Variants in AVL9 observed in about 807,000 individuals in gnomAD.
AVL9 encodes late secretory pathway protein AVL9 homolog.
Under a neutral mutation model 79.2 loss-of-function variants are expected in AVL9, and 49 were observed. The observed-to-expected ratio is 0.62, with a 90% confidence interval of 0.49 to 0.79. The LOEUF is 0.79. Ranked by LOEUF, AVL9 falls within the 30% of genes least tolerant of loss-of-function variation. The pLI is 0.00. For synonymous variants in AVL9, 299 were observed against 280.6 expected (o/e 1.07, Z -0.65); for missense variants, 682 against 776.8 (o/e 0.88, Z 1.45).
intron 1 of AVL9, chr7:32,535,647 C>CGA (rs773587423): frequency 1.2e-4 from 19 of 152,166 alleles, no homozygotes; most frequent in Admixed American, 5.2e-4. Context: ...TTGGCAGACT[C>CGA]TATTTTGATC....
intron 1 of AVL9, among the ~76,000 whole-genome samples, chr7:32,525,845 G>A (rs528387371): frequency 6.6e-6 from 1 of 152,138 alleles, no homozygotes; most frequent in Admixed American, 6.5e-5. Context: ...GTTTTTTACT[G>A]CAAATGCCCT....
rs779233840 is a variant in AVL9 at position 32,570,010 on chromosome 7, T to TA, written c.1216-8dup. On this transcript the variant is annotated splice_polypyrimidine_tract_variant and intron_variant, in intron 10 of 15. Transcript: ENST00000318709. ...TTTCTGATATTTTCTATTACTCTTC[T>TA]AATTCATAGGGATATCTGTGTTTGC... 1 of 1,613,944 alleles carries TA rather than the reference T, an allele frequency of 6.2e-7. No homozygotes were observed. Among genetic ancestry groups the TA allele is most frequent in the Non-Finnish European group, 8.5e-7 (1 of 1,179,806 alleles).
chr7:32,577,758 T>C (rs1353477719), intron 13 of AVL9, among the ~76,000 whole-genome samples: 1 of 152,172 alleles, frequency 6.6e-6, no homozygotes. Context: ...GAAATAGTGC[T>C]TAGAAGAACA....
intron 1 of AVL9, among the ~76,000 whole-genome samples, chr7:32,540,174 G>C (rs1789111334): frequency 6.6e-6 from 1 of 152,146 alleles, no homozygotes; most frequent in Admixed American, 6.5e-5. Context: ...ATAAACCACT[G>C]ATGTAACCAC....
intron 1 of AVL9, among the ~76,000 whole-genome samples, chr7:32,513,779 G>C (rs1213454915): frequency 1.3e-5 from 2 of 152,228 alleles, no homozygotes; most frequent in Non-Finnish European, 2.9e-5. Flanking sequence ...AGTTCCCTCA[G>C]TATTTATTGA....
chr7:32,535,600 G>T (rs1294837408), intron 1 of AVL9: 1 of 152,170 alleles, frequency 6.6e-6, no homozygotes, highest in African/African-American at 2.4e-5. Flanking sequence ...CGTGACTGGT[G>T]AATTGTTCTT....
chr7:32,543,909 CTTTCTT>C (rs1233064599), intron 2 of AVL9, among the ~76,000 whole-genome samples: 2 of 148,534 alleles, frequency 1.3e-5, no homozygotes, highest in Non-Finnish European at 1.5e-5. Flanking sequence ...TTCTTTCTTT[CTTTCTT>C]TTTTTTTTTT....
intron 1 of AVL9, among the ~76,000 whole-genome samples, chr7:32,515,693 G>T (rs938653630): frequency 2.0e-5 from 3 of 152,176 alleles, no homozygotes; most frequent in Non-Finnish European, 4.4e-5. Flanking sequence ...AAGTTATGAT[G>T]CAGCTGGTCG....
chr7:32,555,689 A>G (rs757248637), intron 8 of AVL9, among the ~76,000 whole-genome samples: 20 of 152,210 alleles, frequency 1.3e-4, no homozygotes, highest in Non-Finnish European at 2.5e-4. Context: ...TTAGAGAAAA[A>G]GTTCACCAGC....
rs1791794456 is a variant in AVL9 at position 32,586,474 on chromosome 7, A to ACCC, written c.*2568_*2569insCCC. 3.0e-5 allele frequency: 3 copies of ACCC among 100,580 alleles called. No individual in the cohort carries two copies. The highest frequency in any genetic ancestry group is 2.9e-4 in the East Asian group (1 of 3,506). 6.2% of individuals were successfully genotyped at this position (100,580 alleles called of 1,614,324 possible). On this transcript the variant is annotated 3_prime_UTR_variant, in exon 16 of 16. Coordinates refer to ENST00000318709, the MANE Select transcript of AVL9 (RefSeq NM_015060.3). Reference sequence around the variant, plus strand: ...CCTGGTCCTGTGACCCCCCCCCCCCACACACACACATACTTCAGGCTTGGA... The same window carrying ACCC: ...CCTGGTCCTGTGACCCCCCCCCCCCACCCCACACACACATACTTCAGGCTTGGA...
intron 3 of AVL9, 112 bp downstream of exon 3, chr7:32,544,891 A>G (rs1446696282): frequency 4.1e-6 from 3 of 733,364 alleles, no homozygotes; most frequent in African/African-American, 3.5e-5. Flanking sequence ...AGATTTTTGT[A>G]TACAATTTGT....
At chr7:32,551,296 ATTAT>A in intron 4 of AVL9, 34 bp from the exon 5 acceptor site, 1 of 1,338,342 alleles carries the variant, frequency 7.5e-7, no homozygotes, top group Non-Finnish European at 1.1e-6. Flanking sequence ...TTATCAACTA[ATTAT>A]TAATCAATGG....
chr7:32,517,556 G>A lies in AVL9; in HGVS notation c.93+21754G>A, dbSNP rs191086060. The stretch of plus-strand genomic sequence containing the variant: ...CCTGACCTCGTGATCCACCCACCTC[G>A]GCCTCCCAAAGTGCTGGGATTACAG... On this transcript the variant is annotated intron_variant, in intron 1 of 15. Coordinates refer to ENST00000318709, the MANE Select transcript of AVL9 (RefSeq NM_015060.3). Among the ~76,000 whole-genome samples, 119 of 151,846 alleles carry A rather than the reference G, an allele frequency of 7.8e-4. 1 individual carries two copies. Among genetic ancestry groups the A allele is most frequent in the African/African-American group, 2.5e-3 (103 of 41,452 alleles).
At chr7:32,561,639 A>AAC (rs568338036) in intron 10 of AVL9, among the ~76,000 whole-genome samples, 1,966 of 150,720 alleles carry the variant, frequency 0.013, 19 homozygotes, top group Non-Finnish European at 0.018. Flanking sequence ...CACTGGTTTA[A>AAC]AAAACAAAAC....
chr7:32,501,046 T>C (rs1020229497), intron 1 of AVL9, among the ~76,000 whole-genome samples: 2 of 152,158 alleles, frequency 1.3e-5, no homozygotes, highest in African/African-American at 2.4e-5. Flanking sequence ...CCAGCAGCAG[T>C]GAAGAAAATG....
At chr7:32,543,888 A>C (rs1789336509) in intron 2 of AVL9, among the ~76,000 whole-genome samples, 2 of 135,908 alleles carry the variant, frequency 1.5e-5, no homozygotes, top group Admixed American at 8.4e-5. Context: ...TACTGTTGCT[A>C]TTGATTTTCT....
intron 1 of AVL9, among the ~76,000 whole-genome samples, chr7:32,514,967 T>A (rs946846106): frequency 6.6e-5 from 10 of 152,214 alleles, no homozygotes; most frequent in African/African-American, 2.2e-4. Flanking sequence ...AGCACAGGGT[T>A]GGGACAAGAG....
At chr7:32,560,611 G>C (rs1790290208) in intron 10 of AVL9, among the ~76,000 whole-genome samples, 1 of 152,130 alleles carries the variant, frequency 6.6e-6, no homozygotes, top group Non-Finnish European at 1.5e-5. Flanking sequence ...TTCATGACAG[G>C]GGTATCAACT....
intron 1 of AVL9, among the ~76,000 whole-genome samples, chr7:32,511,368 A>G: frequency 6.7e-6 from 1 of 150,340 alleles, no homozygotes; most frequent in East Asian, 2.0e-4. Context: ...GAACTGCCCC[A>G]GTATGAGGAA....
Sources: allele counts gnomAD v4.1 joint callset (sites outside exome capture counted in the v4.1 genomes callset), GRCh38; gene constraint gnomAD v4.1.1; transcripts MANE v1.5; gene names NCBI Gene and HGNC (gene_info 2026-07-23, HGNC 2026-07-21).